The following ASAP1 variants were observed in gnomAD, a reference collection of about 807,000 sequenced individuals.
ASAP1 encodes ArfGAP with SH3 domain, ankyrin repeat and PH domain 1, also known as arf-GAP with SH3 domain, ANK repeat and PH domain-containing protein 1.
Under a neutral mutation model 145.2 loss-of-function variants are expected in ASAP1, and 43 were observed. The ratio of observed to expected loss-of-function variants is 0.30; its 90% CI spans 0.23 to 0.38. The LOEUF is 0.38. Among genes scored for constraint, ASAP1 ranks in the 10% least tolerant of loss-of-function variants. The pLI, the probability that ASAP1 is intolerant of heterozygous loss-of-function variation, is 1.00. For synonymous variants in ASAP1, 546 were observed against 515.5 expected (o/e 1.06, Z -0.80); for missense variants, 1,018 against 1,355.3 (o/e 0.75, Z 3.91).
At chr8:130,222,668 A>G (rs1817361157) in intron 4 of ASAP1, among the ~76,000 whole-genome samples, 1 of 152,256 alleles carries the variant, frequency 6.6e-6, no homozygotes, top group African/African-American at 2.4e-5. Flanking sequence ...CTGTCCTGTA[A>G]TAATATTGAC....
rs181418784 is a variant in ASAP1 at position 130,154,922 on chromosome 8, G to T, written c.1011-2117C>A. Among the ~76,000 whole-genome samples, 8 of 152,260 alleles carry T rather than the reference G, an allele frequency of 5.3e-5. No individual in the cohort carries two copies. In the East Asian group the frequency reaches 7.7e-4, roughly 15 times the overall value. On this transcript the variant is annotated intron_variant, in intron 12 of 29. Coordinates refer to ENST00000518721, the MANE Select transcript of ASAP1 (RefSeq NM_018482.4). ...CCAGGGAAATGTCTGATTAGAGGTG[G>T]CATCTCTCAACTAATCAGAGCCACA...
At chr8:130,410,987 A>C (rs1248059814) in intron 1 of ASAP1, among the ~76,000 whole-genome samples, 2 of 152,064 alleles carry the variant, frequency 1.3e-5, no homozygotes, top group Non-Finnish European at 2.9e-5. Context: ...CAGCCTCCCA[A>C]GTAGCTGGGA....
intron 24 of ASAP1, among the ~76,000 whole-genome samples, chr8:130,094,849 G>A (rs1592786169): frequency 6.6e-6 from 1 of 152,214 alleles, no homozygotes; most frequent in East Asian, 1.9e-4. Context: ...AGACAATGGT[G>A]AGGTTCTCTA....
intron 15 of ASAP1, among the ~76,000 whole-genome samples, chr8:130,130,089 C>T (rs1416120874): frequency 6.6e-6 from 1 of 152,150 alleles, no homozygotes; most frequent in Non-Finnish European, 1.5e-5. Context: ...TAATATTGGC[C>T]AGTATCTACT....
intron 5 of ASAP1, among the ~76,000 whole-genome samples, chr8:130,193,225 C>T (rs1815261503): frequency 6.6e-6 from 1 of 151,990 alleles, no homozygotes; most frequent in South Asian, 2.1e-4. Context: ...AAAAATTAGC[C>T]AGGCATGGTG....
intron 6 of ASAP1, 51 bp from the exon 7 acceptor site, chr8:130,187,336 TAATA>T (rs747547023): frequency 7.0e-7 from 1 of 1,418,754 alleles, no homozygotes; most frequent in Non-Finnish European, 9.9e-7. Context: ...TGCTGAAAAT[TAATA>T]AATAGTTTTG....
At position 130,257,899 on chromosome 8, in the gene ASAP1, G is replaced by C. The variant is rs143832774; in HGVS notation, c.187-20905C>G. Among the ~76,000 whole-genome samples the C allele has an allele frequency of 5.2e-3, 786 of 151,170 alleles. 7 individuals are homozygous for C. The highest frequency in any genetic ancestry group is 0.018 in the African/African-American group (731 of 41,098). On this transcript the variant is annotated intron_variant, in intron 3 of 29. Coordinates refer to ENST00000518721, the MANE Select transcript of ASAP1 (RefSeq NM_018482.4). ...ATATTCTAGCAAATCTGTTAAAGAA[G>C]AGATTGCAAATGTGGGGCCCCAAAT...
intron 5 of ASAP1, among the ~76,000 whole-genome samples, chr8:130,210,583 C>G (rs774953068): frequency 6.6e-6 from 1 of 152,174 alleles, no homozygotes; most frequent in East Asian, 1.9e-4. Flanking sequence ...GTACCTTGCA[C>G]GCTAAACACA....
intron 27 of ASAP1, among the ~76,000 whole-genome samples, chr8:130,068,776 C>T (rs1483839979): frequency 6.6e-6 from 1 of 152,184 alleles, no homozygotes; most frequent in Non-Finnish European, 1.5e-5. Flanking sequence ...GATGCAGTAG[C>T]TGATATGCTC....
chr8:130,119,269 G>A (rs932245423), intron 18 of ASAP1, among the ~76,000 whole-genome samples: 1 of 152,102 alleles, frequency 6.6e-6, no homozygotes, highest in Non-Finnish European at 1.5e-5. Context: ...TTATAGGTGA[G>A]GAAACTAAGG....
intron 13 of ASAP1, among the ~76,000 whole-genome samples, chr8:130,149,584 A>G (rs527837500): frequency 1.3e-5 from 2 of 152,294 alleles, no homozygotes; most frequent in Non-Finnish European, 2.9e-5. Flanking sequence ...TCACTTTGAT[A>G]AGAACAATTT....
At chr8:130,072,824 T>TGTGCGCGCGCGCGCGCGCGCGC in intron 27 of ASAP1, among the ~76,000 whole-genome samples, 2 of 32,260 alleles carry the variant, frequency 6.2e-5, no homozygotes, top group Admixed American at 3.6e-4. Flanking sequence ...TGTGTGTGTG[T>TGTGCGCGCGCGCGCGCGCGCGC]GCGCGCGGGG....
At chr8:130,376,903 CAAAAAAAAAAAAAAAA>C (rs34006260) in intron 2 of ASAP1, among the ~76,000 whole-genome samples, 2 of 26,004 alleles carry the variant, frequency 7.7e-5, no homozygotes, top group Admixed American at 5.3e-4. Flanking sequence ...AACTCCATCT[CAAAAAAAAAAAAAAAA>C]AAAAAAAAAA....
chr8:130,421,992 G>A (rs1323547471), intron 1 of ASAP1, among the ~76,000 whole-genome samples: 1 of 152,162 alleles, frequency 6.6e-6, no homozygotes, highest in African/African-American at 2.4e-5. Context: ...GGGAGACAGA[G>A]GTATGAACAA....
intron 1 of ASAP1, among the ~76,000 whole-genome samples, chr8:130,437,809 G>A (rs1565315525): frequency 6.6e-6 from 1 of 152,138 alleles, no homozygotes; most frequent in Non-Finnish European, 1.5e-5. Flanking sequence ...TCCCCAGCTG[G>A]CTTCTGCGTA....
chr8:130,265,639 T>C lies in ASAP1; in HGVS notation c.187-28645A>G, dbSNP rs373245183. On this transcript the variant is annotated intron_variant, in intron 3 of 29. Coordinates refer to ENST00000518721, the MANE Select transcript of ASAP1 (RefSeq NM_018482.4). ...CTTGTAATCCCAGCACTTTGGAAGATTGAGGTGGGCAGACTGCTAGAGCCC... is the reference window on the plus strand; with the variant it reads ...CTTGTAATCCCAGCACTTTGGAAGACTGAGGTGGGCAGACTGCTAGAGCCC... 5.5e-5 allele frequency among the ~76,000 whole-genome samples: 8 copies of C among 146,598 alleles called. No homozygotes were observed. In the East Asian group the frequency reaches 1.2e-3, roughly 22 times the overall value.
chr8:130,283,536 C>T (rs1244863383), intron 3 of ASAP1, among the ~76,000 whole-genome samples: 8 of 131,898 alleles, frequency 6.1e-5, no homozygotes, highest in South Asian at 2.4e-4. Context: ...GAGGAGATCA[C>T]GTCACTGCAC....
intron 3 of ASAP1, among the ~76,000 whole-genome samples, chr8:130,255,668 T>C (rs1018487858): frequency 6.6e-6 from 1 of 152,272 alleles, no homozygotes. Context: ...AATTTTAAGT[T>C]GTGTGTGTTT....
intron 2 of ASAP1, among the ~76,000 whole-genome samples, chr8:130,395,310 A>T (rs970188422): frequency 6.6e-6 from 1 of 152,254 alleles, no homozygotes; most frequent in African/African-American, 2.4e-5. Context: ...TCTTGCAAAA[A>T]GTGGAGATCT....
Sources: allele counts gnomAD v4.1 joint callset (sites outside exome capture counted in the v4.1 genomes callset), GRCh38; gene constraint gnomAD v4.1.1; transcripts MANE v1.5; gene names NCBI Gene and HGNC (gene_info 2026-07-23, HGNC 2026-07-21).